The following KCTD20 variants were observed in gnomAD, a reference collection of about 807,000 sequenced individuals.
KCTD20 encodes the protein potassium channel tetramerization domain containing 20.
In KCTD20, 30 loss-of-function variants were observed where a neutral mutation model predicts 39.6. The observed-to-expected ratio is 0.76, with a 90% CI of 0.57 to 1.03. The LOEUF is 1.03. Ranked by LOEUF, KCTD20 falls within the 50% of genes least tolerant of loss-of-function variation. KCTD20 has a pLI of 0.00. For synonymous variants in KCTD20, 162 were observed against 180.6 expected, an observed-to-expected ratio of 0.90 and a Z score of 0.83; for missense variants, 422 against 522.0, an observed-to-expected ratio of 0.81 and a Z score of 1.87.
At chr6:36,452,486 T>A (rs1775283566) in intron 1 of KCTD20, 1 of 152,014 alleles carries the variant, frequency 6.6e-6, no homozygotes, top group African/African-American at 2.4e-5. Context: ...TCTCATGGGA[T>A]GTGTACTGAT....
chr6:36,466,489 C>T (rs1287817558), intron 1 of KCTD20, among the ~76,000 whole-genome samples: 1 of 151,688 alleles, frequency 6.6e-6, no homozygotes, highest in Non-Finnish European at 1.5e-5. Flanking sequence ...TTAAATCATC[C>T]TCCCGCCTCA....
At chr6:36,463,765 A>C (rs1775665763) in intron 1 of KCTD20, among the ~76,000 whole-genome samples, 1 of 152,174 alleles carries the variant, frequency 6.6e-6, no homozygotes, top group Non-Finnish European at 1.5e-5. Context: ...CAGCCTCCAG[A>C]ACTGTGAGAA....
At chr6:36,447,836 T>C (rs1017570723) in intron 1 of KCTD20, among the ~76,000 whole-genome samples, 3 of 150,912 alleles carry the variant, frequency 2.0e-5, no homozygotes, top group Non-Finnish European at 2.9e-5. Flanking sequence ...ACAAAAAATA[T>C]AAAAATGAGC....
intron 4 of KCTD20, 64 bp from the exon 5 acceptor site, chr6:36,479,527 G>A: frequency 4.2e-6 from 6 of 1,425,172 alleles, no homozygotes; most frequent in Non-Finnish European, 5.8e-6. Context: ...GAATGCACAG[G>A]GATGAAGAAG....
chr6:36,486,188 G>T (rs1776414562), intron 7 of KCTD20, among the ~76,000 whole-genome samples: 1 of 152,180 alleles, frequency 6.6e-6, no homozygotes, highest in Admixed American at 6.5e-5. Flanking sequence ...GATTACAGGT[G>T]TGAGCGACAG....
In KCTD20 at chr6:36,490,220, A is replaced by G. The variant is rs2127461510; in HGVS notation, c.*3045A>G. The G allele has an allele frequency of 6.6e-6, 1 of 152,160 alleles. No individual in the cohort carries two copies. 9.4% of individuals were successfully genotyped at this position (152,160 alleles called of 1,614,324 possible). On this transcript the variant is annotated 3_prime_UTR_variant, in exon 8 of 8. Coordinates refer to ENST00000373731, the MANE Select transcript of KCTD20 (RefSeq NM_173562.5). ...AGTGGGATGTGGAGGATTTTTGTTA[A>G]GTGTCAATCGAAGTTAAAAAGCAAG...
chr6:36,450,314 C>T (rs1775208684), intron 1 of KCTD20, among the ~76,000 whole-genome samples: 1 of 151,650 alleles, frequency 6.6e-6, no homozygotes. Context: ...ATGACGAAAC[C>T]CTGTCTCTAC....
intron 7 of KCTD20, among the ~76,000 whole-genome samples, chr6:36,486,424 C>A (rs1245692490): frequency 6.6e-6 from 1 of 152,210 alleles, no homozygotes; most frequent in Non-Finnish European, 1.5e-5. Flanking sequence ...CATGTGACAG[C>A]CTTTCACATA....
At chr6:36,485,104 G>A (rs1290331161) in intron 7 of KCTD20, among the ~76,000 whole-genome samples, 1 of 152,180 alleles carries the variant, frequency 6.6e-6, no homozygotes, top group Admixed American at 6.6e-5. Context: ...AGCAGGGCTT[G>A]TGGGCTCACC....
chr6:36,477,364 A>G (rs1252566722), intron 3 of KCTD20, among the ~76,000 whole-genome samples: 2 of 152,242 alleles, frequency 1.3e-5, no homozygotes, highest in Non-Finnish European at 2.9e-5. Context: ...GCTAGACTTC[A>G]TTCAACCAGA....
chr6:36,462,004 T>C (rs1038523785), intron 1 of KCTD20, among the ~76,000 whole-genome samples: 8 of 152,322 alleles, frequency 5.3e-5, no homozygotes, highest in Admixed American at 3.9e-4. Context: ...AATAGTCCTG[T>C]CCACAGATAT....
At position 36,487,121 on chromosome 6, in the gene KCTD20, T is replaced by C; in HGVS notation, c.1206T>C (p.Leu402=). 1 of 1,614,176 alleles carries C rather than the reference T, an allele frequency of 6.2e-7. No individual in the cohort carries two copies. Among genetic ancestry groups the C allele is most frequent in the Non-Finnish European group, 8.5e-7 (1 of 1,180,000 alleles). Residue 402 remains leucine, a synonymous_variant, in exon 8 of 8, where the codon CTT becomes CTC. Coordinates refer to ENST00000373731, the MANE Select transcript of KCTD20 (RefSeq NM_173562.5). ...LMHHPPQVDE[L]DRLNAPLSQM... ...ATCACCCACCCCAAGTGGATGAACTTGACCGGCTAAATGCCCCACTTTCTC... is the reference window on the plus strand; with the variant it reads ...ATCACCCACCCCAAGTGGATGAACTCGACCGGCTAAATGCCCCACTTTCTC...
intron 1 of KCTD20, among the ~76,000 whole-genome samples, chr6:36,460,037 G>T (rs1024099944): frequency 7.9e-5 from 12 of 152,140 alleles, no homozygotes; most frequent in African/African-American, 2.2e-4. Context: ...TGTTCCTTTA[G>T]AGAGTTTTAG....
At position 36,469,501 on chromosome 6, in the gene KCTD20, G is replaced by A. The variant is rs1395654942; in HGVS notation, c.-46-551G>A. 7.0e-6 allele frequency among the ~76,000 whole-genome samples: 1 copy of A among 143,762 alleles called. No homozygotes were observed. Among genetic ancestry groups the A allele is most frequent in the Non-Finnish European group, 1.5e-5 (1 of 65,740 alleles). 94.3% of individuals were successfully genotyped at this position (143,762 alleles called of 152,430 possible). A position where few individuals can be genotyped will look rare whatever the true frequency, so the allele number is the denominator to read the frequency against. ...GTGGGGTTTCGGGATTGAGCATAAG[G>A]TATACAAAGTGAAAGAGAGAAAAGG... On this transcript the variant is annotated intron_variant, in intron 1 of 7. Coordinates refer to ENST00000373731, the MANE Select transcript of KCTD20 (RefSeq NM_173562.5). The surrounding 1 kb of genome is among the most constrained non-coding windows in gnomAD (Gnocchi z 4.6).
chr6:36,490,835 A>C lies in KCTD20; in HGVS notation c.*3660A>C, dbSNP rs1259174193. 6.6e-6 allele frequency: 1 copy of C among 152,150 alleles called. No individual in the cohort carries two copies. Among genetic ancestry groups the C allele is most frequent in the Non-Finnish European group, 1.5e-5 (1 of 68,022 alleles). The allele number at this position is 152,150 out of a possible 1,614,324, so 9.4% of individuals were successfully genotyped here. On this transcript the variant is annotated 3_prime_UTR_variant, in exon 8 of 8. Coordinates refer to ENST00000373731, the MANE Select transcript of KCTD20 (RefSeq NM_173562.5). ...GGATGACAGGGCAAGACCCTGTCTC[A>C]ATATTTTAAGTCAAGGGTTTGTAGT...
rs1323516789 is a variant in KCTD20, at chr6:36,453,757, G to A, written c.-47+10646G>A. Reference sequence around the variant, plus strand: ...ACTCCTGACCTCAGGTGATCCGCCCGCCTTGGCCTCCCAAAGTGCTGGGAT... The same window carrying A: ...ACTCCTGACCTCAGGTGATCCGCCCACCTTGGCCTCCCAAAGTGCTGGGAT... On this transcript the variant is annotated intron_variant, in intron 1 of 7. Coordinates refer to ENST00000373731, the MANE Select transcript of KCTD20 (RefSeq NM_173562.5). 3.3e-5 allele frequency among the ~76,000 whole-genome samples: 5 copies of A among 152,134 alleles called. No individual in the cohort carries two copies. The East Asian group carries it at 7.8e-4, about 24-fold the overall frequency.
In KCTD20 at chr6:36,460,425, T is replaced by C. The variant is rs569893506; in HGVS notation, c.-46-9627T>C. Among the ~76,000 whole-genome samples, 35 of 152,282 alleles carry C rather than the reference T, an allele frequency of 2.3e-4. No individual in the cohort carries two copies. The South Asian group carries it at 6.0e-3, about 26-fold the overall frequency. On this transcript the variant is annotated intron_variant, in intron 1 of 7. Transcript: ENST00000373731. Reference sequence around the variant, plus strand: ...TTCCAGCGATTCTCCTGCCTCGGCCTCCCGAGTAGTTAGAACTACAGGTGC... The same window carrying C: ...TTCCAGCGATTCTCCTGCCTCGGCCCCCCGAGTAGTTAGAACTACAGGTGC...
Position 36,491,027 on chromosome 6 carries a change from T to G in KCTD20, c.*3852T>G, listed in dbSNP as rs1776571821. The G allele has an allele frequency of 6.6e-6, 1 of 152,234 alleles. No individual in the cohort carries two copies. Among genetic ancestry groups the G allele is most frequent in the Non-Finnish European group, 1.5e-5 (1 of 68,044 alleles). 9.4% of individuals were successfully genotyped at this position (152,234 alleles called of 1,614,324 possible). A position where few individuals can be genotyped will look rare whatever the true frequency, so the allele number is the denominator to read the frequency against. On this transcript the variant is annotated 3_prime_UTR_variant, in exon 8 of 8. Coordinates refer to ENST00000373731, the MANE Select transcript of KCTD20 (RefSeq NM_173562.5). Reference sequence around the variant, plus strand: ...ACATTTTCTTCTGAAGGCAAAATGCTTGTAGGTTTTGCCTCTACTTTGTAT... The same window carrying G: ...ACATTTTCTTCTGAAGGCAAAATGCGTGTAGGTTTTGCCTCTACTTTGTAT...
chr6:36,486,329 C>T (rs757795883), intron 7 of KCTD20, among the ~76,000 whole-genome samples: 4 of 152,238 alleles, frequency 2.6e-5, no homozygotes, highest in African/African-American at 9.6e-5. Flanking sequence ...TTCTGCCATA[C>T]ATATTTAATA....
Sources: allele counts gnomAD v4.1 joint callset (sites outside exome capture counted in the v4.1 genomes callset), GRCh38; gene constraint gnomAD v4.1.1; non-coding constraint Gnocchi (gnomAD v3.1); transcripts MANE v1.5; gene names NCBI Gene and HGNC (gene_info 2026-07-23, HGNC 2026-07-21).